PAK4: variants seen among roughly 807,000 people sequenced by gnomAD.
PAK4 encodes the protein p21 (RAC1) activated kinase 4.
In PAK4, 49 loss-of-function variants were observed where a neutral mutation model predicts 53.5. The observed-to-expected ratio is 0.92, with a 90% confidence interval of 0.73 to 1.16. PAK4 has a LOEUF of 1.16. PAK4 is among the 50% of genes most tolerant of loss of function. PAK4 has a pLI of 0.00. For synonymous variants in PAK4, 376 were observed against 375.6 expected (o/e 1.00, Z -0.01); for missense variants, 824 against 850.7 (o/e 0.97, Z 0.39).
At chr19:39,174,537 C>T (rs2074562055) in intron 4 of PAK4, among the ~76,000 whole-genome samples, 1 of 152,060 alleles carries the variant, frequency 6.6e-6, no homozygotes. Context: ...CCTCTCGACC[C>T]CGTTGCCCAT....
chr19:39,152,967 A>G (rs2074117317), intron 1 of PAK4, among the ~76,000 whole-genome samples: 1 of 152,090 alleles, frequency 6.6e-6, no homozygotes, highest in Non-Finnish European at 1.5e-5. Flanking sequence ...TGACTGAGGG[A>G]CGTGAGCATC....
At chr19:39,174,106 C>T in intron 4 of PAK4, 96 bp downstream of exon 5, 5 of 820,900 alleles carry the variant, frequency 6.1e-6, no homozygotes, top group Non-Finnish European at 9.6e-6. Context: ...CTCCTCCGTG[C>T]TGGGCCAGGC....
intron 1 of PAK4, among the ~76,000 whole-genome samples, chr19:39,159,994 A>G (rs1276398318): frequency 3.3e-5 from 5 of 152,218 alleles, no homozygotes; most frequent in Non-Finnish European, 7.3e-5. Context: ...TTGCCAGGAT[A>G]CGCTGCCACT....
intron 6 of PAK4, 192 bp from the exon 8 acceptor site, chr19:39,176,398 G>A (rs1378676307): frequency 1.3e-5 from 9 of 709,472 alleles, no homozygotes; most frequent in African/African-American, 3.5e-5. Flanking sequence ...TGACTTGCCC[G>A]AGGGCCCCCA....
intron 1 of PAK4, among the ~76,000 whole-genome samples, chr19:39,151,658 G>A (rs1222440028): frequency 3.3e-5 from 5 of 152,350 alleles, no homozygotes; most frequent in Middle Eastern, 6.8e-3. Context: ...ATCAAGGCAG[G>A]GAAAGATCAC....
chr19:39,142,728 C>T (rs1021762296), intron 1 of PAK4, among the ~76,000 whole-genome samples: 1 of 152,188 alleles, frequency 6.6e-6, no homozygotes, highest in Admixed American at 6.5e-5. Flanking sequence ...GGTGGTGACA[C>T]CTTCAGAACA....
At chr19:39,166,559 C>T (rs1450025179) in intron 1 of PAK4, among the ~76,000 whole-genome samples, 2 of 152,234 alleles carry the variant, frequency 1.3e-5, no homozygotes, top group African/African-American at 4.8e-5. Flanking sequence ...TATTGAGGTC[C>T]CCAGGTTGGG....
At chr19:39,130,264 G>A (rs1044390412) in intron 1 of PAK4, among the ~76,000 whole-genome samples, 3 of 150,266 alleles carry the variant, frequency 2.0e-5, no homozygotes, top group Admixed American at 6.6e-5. Context: ...GTCAGAGAAG[G>A]ATGGGGAAAC....
At position 39,173,608 on chromosome 19, in the gene PAK4, A is replaced by G. The variant is rs558989742; in HGVS notation, c.696A>G (p.Pro232=). 1.8e-4 allele frequency: 273 copies of G among 1,531,700 alleles called. 5 individuals carry two copies. In the South Asian group the frequency reaches 3.1e-3, roughly 17 times the overall value. The allele number at this position is 1,531,700 out of a possible 1,614,324, so 94.9% of individuals were successfully genotyped here. A position where few individuals can be genotyped will look rare whatever the true frequency, so the allele number is the denominator to read the frequency against. Residue 232 remains proline (P), a synonymous_variant, in exon 4 of 9, where the codon CCA becomes CCG. Transcript: ENST00000358301. The surrounding 1 kb of genome is among the most constrained non-coding windows in gnomAD (Gnocchi z 6.9). ...CTCATGACGTGGCCCCTAACGGGCC[A>G]TCAGCGGGGGGCCTGGCCATCCCCC...
At chr19:39,152,610 A>G (rs2074111019) in intron 1 of PAK4, among the ~76,000 whole-genome samples, 1 of 152,192 alleles carries the variant, frequency 6.6e-6, no homozygotes, top group African/African-American at 2.4e-5. Flanking sequence ...AAGGGAAAGA[A>G]TTTGTGCTGG....
intron 1 of PAK4, among the ~76,000 whole-genome samples, chr19:39,128,371 A>C (rs958618135): frequency 6.6e-6 from 1 of 152,000 alleles, no homozygotes; most frequent in Non-Finnish European, 1.5e-5. Context: ...CAGCCACCCC[A>C]TCCCTACCTG....
At chr19:39,136,512 G>A (rs1384439816) in intron 1 of PAK4, 2 of 152,306 alleles carry the variant, frequency 1.3e-5, no homozygotes, top group African/African-American at 2.4e-5. Context: ...CCCCCTTGGG[G>A]AGATGTTTCT....
At chr19:39,163,792 T>C (rs1359337828) in intron 1 of PAK4, among the ~76,000 whole-genome samples, 2 of 152,176 alleles carry the variant, frequency 1.3e-5, no homozygotes, top group Non-Finnish European at 2.9e-5. Context: ...CCCAGCTGCT[T>C]ATCTGAAAGA....
chr19:39,141,080 C>T (rs1210250670), intron 1 of PAK4, among the ~76,000 whole-genome samples: 2 of 152,116 alleles, frequency 1.3e-5, no homozygotes, highest in Non-Finnish European at 2.9e-5. Flanking sequence ...AAATGTTGAA[C>T]ACCTTTGTAT....
At chr19:39,149,085 A>G (rs1248718698) in intron 1 of PAK4, among the ~76,000 whole-genome samples, 4 of 152,136 alleles carry the variant, frequency 2.6e-5, no homozygotes, top group Non-Finnish European at 5.9e-5. Context: ...GAGAATGTAA[A>G]ATGGTGCTGT....
Position 39,178,289 on chromosome 19 carries a change from C to A in PAK4, c.1621-135C>A. 1 of 823,130 alleles carries A rather than the reference C, an allele frequency of 1.2e-6. No individual in the cohort carries two copies. Among genetic ancestry groups the A allele is most frequent in the Non-Finnish European group, 1.9e-6 (1 of 537,380 alleles). The allele number at this position is 823,130 out of a possible 1,614,324, so 51.0% of individuals were successfully genotyped here. On this transcript the variant is annotated intron_variant, in intron 8 of 8. Coordinates refer to ENST00000358301, the Ensembl canonical transcript of PAK4. The surrounding 1 kb of genome is among the most constrained non-coding windows in gnomAD (Gnocchi z 4.4). ...TCCCGTCTACACCCCAAGATCTAGACACCCATGACCTCCGCCCCCTGCCCT... is the reference window on the plus strand; with the variant it reads ...TCCCGTCTACACCCCAAGATCTAGAAACCCATGACCTCCGCCCCCTGCCCT...
Position 39,173,334 on chromosome 19 carries a change from C to A in PAK4, c.621C>A (p.Thr207=). 6.3e-7 allele frequency: 1 copy of A among 1,578,176 alleles called. No individual in the cohort carries two copies. ...TGGCAGCTGGCCGGCCCTTTAACAC[C>A]TACCCGAGGGCTGACACGGACCACC... The change falls in exon 3 of 9, where the codon ACC becomes ACA. Residue 207 remains threonine, a synonymous_variant. Coordinates refer to ENST00000358301, the Ensembl canonical transcript of PAK4. This position sits in a 1 kb window ranked among gnomAD's most constrained non-coding sequence, Gnocchi z 6.9.
chr19:39,138,804 G>C (rs1568500192), intron 1 of PAK4, among the ~76,000 whole-genome samples: 1 of 152,194 alleles, frequency 6.6e-6, no homozygotes, highest in Admixed American at 6.5e-5. Context: ...ATCAGCTTAC[G>C]GTTTAATTAT....
At chr19:39,176,082 T>C (rs1297512830) in intron 6 of PAK4, among the ~76,000 whole-genome samples, 1 of 152,156 alleles carries the variant, frequency 6.6e-6, no homozygotes, top group Admixed American at 6.5e-5. Context: ...GGATGTTTGC[T>C]GGAGGCAGGA....
Sources: allele counts gnomAD v4.1 joint callset (sites outside exome capture counted in the v4.1 genomes callset), GRCh38; gene constraint gnomAD v4.1.1; non-coding constraint Gnocchi (gnomAD v3.1); transcripts MANE v1.5; gene names NCBI Gene and HGNC (gene_info 2026-07-23, HGNC 2026-07-21).